Variants in NBEA observed in about 807,000 individuals in gnomAD.
NBEA encodes lysosomal-trafficking regulator 2.
NBEA carries 44 observed loss-of-function variants against 343.4 expected under a neutral mutation model. That is an observed-to-expected ratio of 0.13 (90% CI 0.10 to 0.16). The LOEUF (loss-of-function observed/expected upper bound fraction) is 0.16. Ranked by LOEUF, NBEA falls within the 10% of genes least tolerant of loss-of-function variation. NBEA has a pLI of 1.00. For synonymous variants in NBEA, 1,175 were observed against 1,238.7 expected, an observed-to-expected ratio of 0.95 and a Z score of 1.08; for missense variants, 2,555 against 3,631.3, an observed-to-expected ratio of 0.70 and a Z score of 7.62.
At chr13:35,045,526 TA>T in intron 4 of NBEA, 125 bp downstream of exon 4, 1 of 686,552 alleles carries the variant, frequency 1.5e-6, no homozygotes, top group Non-Finnish European at 2.4e-6. Context: ...TTGGAAGTCA[TA>T]CAACCACTAC....
At chr13:35,182,892 A>G (rs550407927) in intron 29 of NBEA, among the ~76,000 whole-genome samples, 1 of 152,114 alleles carries the variant, frequency 6.6e-6, no homozygotes, top group African/African-American at 2.4e-5. Context: ...TTCAATGCCA[A>G]GGGTAAGCCA....
At chr13:35,327,606 A>G (rs1379728804) in intron 36 of NBEA, among the ~76,000 whole-genome samples, 1 of 151,972 alleles carries the variant, frequency 6.6e-6, no homozygotes, top group East Asian at 1.9e-4. Flanking sequence ...GATGGCAACA[A>G]TAGACACTAG....
intron 38 of NBEA, among the ~76,000 whole-genome samples, chr13:35,430,125 T>A (rs577681817): frequency 1.3e-5 from 2 of 152,248 alleles, no homozygotes; most frequent in South Asian, 2.1e-4. Flanking sequence ...ACCAACATTT[T>A]TTTTTTGAAT....
At chr13:35,621,707 A>G (rs1286257946) in intron 48 of NBEA, among the ~76,000 whole-genome samples, 1 of 150,362 alleles carries the variant, frequency 6.7e-6, no homozygotes. Context: ...CGCCCTCATT[A>G]CTGACATTTC....
At chr13:35,587,280 A>G (rs1010017638) in intron 46 of NBEA, among the ~76,000 whole-genome samples, 1 of 152,206 alleles carries the variant, frequency 6.6e-6, no homozygotes, top group Non-Finnish European at 1.5e-5. Context: ...CCCATGAGAT[A>G]TATTTCTTAA....
intron 33 of NBEA, among the ~76,000 whole-genome samples, chr13:35,228,667 A>G (rs1566489068): frequency 6.6e-6 from 1 of 152,040 alleles, no homozygotes; most frequent in Non-Finnish European, 1.5e-5. Flanking sequence ...GAGTCACTTA[A>G]GATAATGGCC....
At chr13:35,352,381 A>T in intron 38 of NBEA, 58 bp downstream of exon 38, 2 of 943,170 alleles carry the variant, frequency 2.1e-6, no homozygotes, top group Admixed American at 3.2e-5. Flanking sequence ...AATAGTTGGT[A>T]ATAAAAATAT....
At chr13:35,224,616 T>G (rs969232943) in intron 33 of NBEA, among the ~76,000 whole-genome samples, 1 of 152,142 alleles carries the variant, frequency 6.6e-6, no homozygotes, top group Non-Finnish European at 1.5e-5. Flanking sequence ...TCTTTACAGT[T>G]TCTTACTTTT....
At chr13:35,195,541 C>T (rs1056141696) in intron 30 of NBEA, among the ~76,000 whole-genome samples, 2 of 151,762 alleles carry the variant, frequency 1.3e-5, no homozygotes, top group East Asian at 1.9e-4. Context: ...TGGGATTAGA[C>T]GTATCCCACC....
intron 1 of NBEA, among the ~76,000 whole-genome samples, chr13:34,992,831 C>G (rs1426958704): frequency 7.7e-6 from 1 of 130,684 alleles, no homozygotes; most frequent in Non-Finnish European, 1.6e-5. Context: ...CGCCACCACA[C>G]CCGGCTAATT....
At chr13:34,999,191 A>G (rs1029019796) in intron 1 of NBEA, among the ~76,000 whole-genome samples, 4 of 152,072 alleles carry the variant, frequency 2.6e-5, no homozygotes, top group African/African-American at 7.3e-5. Flanking sequence ...TGGTCAGTCA[A>G]TAAATATATT....
chr13:35,655,048 T>C (rs753211282), intron 54 of NBEA, 38 bp downstream of exon 54: 1 of 1,410,884 alleles, frequency 7.1e-7, no homozygotes, highest in Non-Finnish European at 9.3e-7. Context: ...CTCTTCAAAA[T>C]GACTATTGTT....
intron 1 of NBEA, among the ~76,000 whole-genome samples, chr13:34,981,296 A>G (rs2060348101): frequency 1.3e-5 from 2 of 152,182 alleles, no homozygotes; most frequent in African/African-American, 4.8e-5. Flanking sequence ...TTACCAGTTT[A>G]CGACCATTTG....
At chr13:35,575,946 C>A (rs1346380254) in intron 45 of NBEA, among the ~76,000 whole-genome samples, 2 of 151,970 alleles carry the variant, frequency 1.3e-5, no homozygotes, top group Non-Finnish European at 2.9e-5. Flanking sequence ...TAGAACATAA[C>A]AATAACAGCC....
intron 1 of NBEA, among the ~76,000 whole-genome samples, chr13:35,010,769 T>TATATATATATACACACACACATATAC (rs1566159335): frequency 1.9e-5 from 2 of 102,602 alleles, no homozygotes; most frequent in African/African-American, 8.0e-5. Context: ...TATATATATA[T>TATATATATATACACACACACATATAC]ATATATATAT....
intron 1 of NBEA, among the ~76,000 whole-genome samples, chr13:34,958,677 C>T (rs2059571265): frequency 1.3e-5 from 2 of 151,982 alleles, no homozygotes; most frequent in African/African-American, 4.8e-5. Flanking sequence ...GAACTCCGGG[C>T]ATTTGTGAAA....
rs2081620949 is a variant in NBEA at position 35,593,352 on chromosome 13, A to G, written c.7201A>G (p.Asn2401Asp). 3 of 1,612,566 alleles carry G rather than the reference A, an allele frequency of 1.9e-6. No individual in the cohort carries two copies. The highest frequency in any genetic ancestry group is 3.3e-4 in the Middle Eastern group (2 of 6,076). ...GGAACCTTTCACAACCTTCTTCCTCAATGCAAATGATGGAAAATTTGATCA... is the reference window on the plus strand; with the variant it reads ...GGAACCTTTCACAACCTTCTTCCTCGATGCAAATGATGGAAAATTTGATCA... ...RIEPFTTFFL[N>D]ANDGKFDHPD... is the part of the protein sequence containing the mutation. Residue 2401 changes from asparagine (N) to aspartate (D), a missense_variant, in exon 47 of 59, where the codon AAT (asparagine) becomes GAT (aspartate). Asn to Asp is a conservative substitution (Grantham distance 23, BLOSUM62 1). Coordinates refer to ENST00000379939, the MANE Select transcript of NBEA (RefSeq NM_001385012.1).
At chr13:35,065,231 G>A (rs2063608802) in intron 8 of NBEA, among the ~76,000 whole-genome samples, 1 of 151,828 alleles carries the variant, frequency 6.6e-6, no homozygotes, top group Non-Finnish European at 1.5e-5. Context: ...CATTTTGCCT[G>A]GCTATAAAAT....
At chr13:35,287,295 G>T (rs995503142) in intron 34 of NBEA, among the ~76,000 whole-genome samples, 1 of 151,930 alleles carries the variant, frequency 6.6e-6, no homozygotes, top group African/African-American at 2.4e-5. Flanking sequence ...TGTTGGGGAG[G>T]CACATATGTA....
Sources: allele counts gnomAD v4.1 joint callset (sites outside exome capture counted in the v4.1 genomes callset), GRCh38; gene constraint gnomAD v4.1.1; transcripts MANE v1.5; gene names NCBI Gene and HGNC (gene_info 2026-07-23, HGNC 2026-07-21).